The following ADAMTS14 variants were observed in gnomAD, a reference collection of about 807,000 sequenced individuals.
ADAMTS14 encodes ADAM metallopeptidase with thrombospondin type 1 motif 14.
A neutral mutation model predicts 128.6 loss-of-function variants in ADAMTS14; 100 were observed. The ratio of observed to expected loss-of-function variants is 0.78; its 90% CI spans 0.66 to 0.92. The LOEUF (loss-of-function observed/expected upper bound fraction) is 0.92, where lower values mean the gene tolerates loss of function less well. Among genes scored for constraint, ADAMTS14 ranks in the 40% least tolerant of loss-of-function variants. The pLI, the probability that ADAMTS14 is intolerant of heterozygous loss-of-function variation, is 0.00. For missense variants in ADAMTS14, 1,562 were observed against 1,658.6 expected, an observed-to-expected ratio of 0.94 and a Z score of 1.01; for synonymous variants, 665 against 653.8, an observed-to-expected ratio of 1.02 and a Z score of -0.26.
At chr10:70,688,197 G>A (rs1486668304) in intron 2 of ADAMTS14, among the ~76,000 whole-genome samples, 2 of 46,506 alleles carry the variant, frequency 4.3e-5, no homozygotes, top group African/African-American at 1.8e-4. Flanking sequence ...ACGGGGTCTC[G>A]GCCGGGCAGA....
chr10:70,710,954 TG>T (rs1439182389), intron 4 of ADAMTS14, among the ~76,000 whole-genome samples: 1 of 152,228 alleles, frequency 6.6e-6, no homozygotes, highest in African/African-American at 2.4e-5. Context: ...ATAATCTGGC[TG>T]CACCTTTGAC....
chr10:70,675,766 C>T (rs1324602633), intron 2 of ADAMTS14, among the ~76,000 whole-genome samples: 7 of 152,224 alleles, frequency 4.6e-5, no homozygotes, highest in Non-Finnish European at 1.0e-4. Flanking sequence ...TCATTCCCCT[C>T]GCTGCTCCTC....
rs1444578096 is a variant in ADAMTS14, at chr10:70,672,868, G to T, written c.66G>T (p.Ala22=). The T allele has an allele frequency of 6.7e-7, 1 of 1,500,928 alleles. No homozygotes were observed. Among genetic ancestry groups the T allele is most frequent in the Non-Finnish European group, 8.8e-7 (1 of 1,130,816 alleles). 93.0% of individuals were successfully genotyped at this position (1,500,928 alleles called of 1,614,324 possible). A position where few individuals can be genotyped will look rare whatever the true frequency, so the allele number is the denominator to read the frequency against. Residue 22 remains alanine (A), a synonymous_variant, in exon 1 of 22, where the codon GCG becomes GCT. Transcript: ENST00000373207. The part of the protein sequence containing the change: ...LPLHCALCAA[A]GSRTPELHLS... ...TGCACTGTGCGCTCTGCGCCGCCGCGGGCAGCCGGACCCCAGGTGCGTGCG... is the reference window on the plus strand; with the variant it reads ...TGCACTGTGCGCTCTGCGCCGCCGCTGGCAGCCGGACCCCAGGTGCGTGCG...
At chr10:70,708,820 G>A in intron 4 of ADAMTS14, 42 bp downstream of exon 4, 1 of 1,344,666 alleles carries the variant, frequency 7.4e-7, no homozygotes, top group Non-Finnish European at 9.9e-7. Context: ...GAGTGGGGTG[G>A]GGTGGGCCCC....
chr10:70,726,921 A>G (rs968370851), intron 4 of ADAMTS14, among the ~76,000 whole-genome samples: 1 of 152,164 alleles, frequency 6.6e-6, no homozygotes. Flanking sequence ...TCGTTGGACT[A>G]TGGTCATTTC....
chr10:70,761,082 C>T lies in ADAMTS14; in HGVS notation c.*229C>T, dbSNP rs567774346. ...AGATACCTCAGCAAGCTGCCCCCGG[C>T]GGGACTGACCCTCTCAGGGCCCCTG... On this transcript the variant is annotated 3_prime_UTR_variant, in exon 22 of 22. Transcript: ENST00000373207. The T allele has an allele frequency of 5.5e-4, 317 of 580,538 alleles. No individual in the cohort carries two copies. Among genetic ancestry groups the T allele is most frequent in the Non-Finnish European group, 7.7e-4 (277 of 361,292 alleles). 36.0% of individuals were successfully genotyped at this position (580,538 alleles called of 1,614,324 possible).
intron 11 of ADAMTS14, among the ~76,000 whole-genome samples, chr10:70,739,938 T>G (rs1375882515): frequency 1.3e-5 from 2 of 152,208 alleles, no homozygotes; most frequent in African/African-American, 2.4e-5. Flanking sequence ...GTAACTTTCA[T>G]CTGTCGGGAA....
chr10:70,735,413 G>T (rs1589316323), intron 9 of ADAMTS14, 112 bp downstream of exon 9: 16 of 1,411,996 alleles, frequency 1.1e-5, no homozygotes, highest in Non-Finnish European at 1.5e-5. Context: ...AGTGGGCCTG[G>T]TGATGGGCCC....
At chr10:70,699,817 A>T (rs1176887747) in intron 2 of ADAMTS14, among the ~76,000 whole-genome samples, 6 of 152,188 alleles carry the variant, frequency 3.9e-5, no homozygotes, top group African/African-American at 1.4e-4. Flanking sequence ...GGGGCTGAAC[A>T]GAGCCTTCCA....
chr10:70,708,929 C>A, intron 4 of ADAMTS14, 151 bp downstream of exon 4: 1 of 610,028 alleles, frequency 1.6e-6, no homozygotes, highest in Non-Finnish European at 2.6e-6. Context: ...GCTCCTTAGC[C>A]CAGAAGGCAC....
chr10:70,758,293 C>T lies in ADAMTS14; in HGVS notation c.3178+8C>T. 1 of 1,612,254 alleles carries T rather than the reference C, an allele frequency of 6.2e-7. No individual in the cohort carries two copies. Among genetic ancestry groups the T allele is most frequent in the Non-Finnish European group, 8.5e-7 (1 of 1,178,720 alleles). On this transcript the variant is annotated splice_region_variant and intron_variant, in intron 21 of 21. Transcript: ENST00000373207. ...TTAACAAGATATCATCAAGTAAGTA[C>T]AGTCTATGGACCCTACCCTGCTCCC...
intron 2 of ADAMTS14, among the ~76,000 whole-genome samples, chr10:70,681,316 G>T (rs1001012844): frequency 1.7e-4 from 26 of 152,170 alleles, no homozygotes; most frequent in Admixed American, 3.9e-4. Context: ...GATCAGTAGG[G>T]GTTTTCAAAG....
intron 15 of ADAMTS14, chr10:70,745,584 T>C: frequency 2.2e-6 from 1 of 458,176 alleles, no homozygotes; most frequent in South Asian, 2.2e-5. Context: ...GGGCAACTAC[T>C]GTTAATAATT....
intron 1 of ADAMTS14, among the ~76,000 whole-genome samples, chr10:70,673,264 G>GGTGTATGT (rs1218432010): frequency 8.1e-6 from 1 of 122,914 alleles, no homozygotes; most frequent in Non-Finnish European, 2.1e-5. Context: ...GGGTGCAAGG[G>GGTGTATGT]GTGTGTGTGT....
intron 16 of ADAMTS14, among the ~76,000 whole-genome samples, chr10:70,750,481 G>C (rs1437277238): frequency 6.6e-6 from 1 of 152,196 alleles, no homozygotes; most frequent in Non-Finnish European, 1.5e-5. Context: ...TTGTGGAATA[G>C]GGATTAACCC....
At chr10:70,709,388 A>C (rs1840766839) in intron 4 of ADAMTS14, among the ~76,000 whole-genome samples, 1 of 152,018 alleles carries the variant, frequency 6.6e-6, no homozygotes, top group South Asian at 2.1e-4. Context: ...CTCTCGTCAC[A>C]GAAAAGCTAG....
chr10:70,678,099 A>T (rs901515960), intron 2 of ADAMTS14, among the ~76,000 whole-genome samples: 1 of 152,246 alleles, frequency 6.6e-6, no homozygotes, highest in Non-Finnish European at 1.5e-5. Context: ...CACAGCATGC[A>T]TATGTGTATG....
chr10:70,693,113 C>T (rs765574553), intron 2 of ADAMTS14, among the ~76,000 whole-genome samples: 2 of 152,134 alleles, frequency 1.3e-5, no homozygotes, highest in Non-Finnish European at 2.9e-5. Context: ...GTGCCACACA[C>T]TTTAAGCAAC....
chr10:70,708,302 G>A (rs574501739), intron 3 of ADAMTS14, among the ~76,000 whole-genome samples: 166 of 152,304 alleles, frequency 1.1e-3, no homozygotes, highest in Admixed American at 1.6e-3. Context: ...GGCCTGGGAC[G>A]CCCACAGAGA....
Sources: gnomAD v4.1 joint callset for allele counts (sites outside exome capture counted in the v4.1 genomes callset) on GRCh38, gnomAD v4.1.1 for gene constraint, MANE v1.5 for transcripts, NCBI Gene and HGNC (gene_info 2026-07-23, HGNC 2026-07-21) for gene names.